Variants in TFB2M observed in about 807,000 individuals in gnomAD.
TFB2M encodes the protein dimethyladenosine transferase 2, mitochondrial.
A neutral mutation model predicts 41.3 loss-of-function variants in TFB2M; 44 were observed. The ratio of observed to expected loss-of-function variants is 1.07; its 90% CI spans 0.84 to 1.37. The LOEUF is 1.37. TFB2M is among the 40% of genes most tolerant of loss of function. TFB2M has a pLI of 0.00. For synonymous variants in TFB2M, 188 were observed against 176.8 expected (o/e 1.06, Z -0.50); for missense variants, 496 against 490.2 (o/e 1.01, Z -0.11).
rs1479556168 is a variant in TFB2M, at chr1:246,556,577, A to C, written c.701T>G (p.Phe234Cys). 6.7e-7 allele frequency: 1 copy of C among 1,495,510 alleles called. No individual in the cohort carries two copies. The highest frequency in any genetic ancestry group is 9.0e-7 in the Non-Finnish European group (1 of 1,115,754). 92.6% of individuals were successfully genotyped at this position (1,495,510 alleles called of 1,614,324 possible). The change falls in exon 4 of 8, where the codon TTC becomes TGC. Residue 234 changes from phenylalanine (F) to cysteine (C), a missense_variant. Coordinates refer to ENST00000366514, the MANE Select transcript of TFB2M (RefSeq NM_022366.3). ...EVNMFIGEKE[F>C]QKLMADPGNP... Reference sequence around the variant, plus strand: ...AGGTATTTGTTAATAACATACCTGGAATTCTTTTTCACCAATAAACATATT... The same window carrying C: ...AGGTATTTGTTAATAACATACCTGGCATTCTTTTTCACCAATAAACATATT...
At chr1:246,548,687 A>G in intron 5 of TFB2M, 80 bp from the exon 6 acceptor site, 1 of 1,304,572 alleles carries the variant, frequency 7.7e-7, no homozygotes, top group Non-Finnish European at 1.1e-6. Flanking sequence ...TCCTTAAAAA[A>G]CACCTTGCCT....
chr1:246,557,587 T>G, intron 2 of TFB2M, 53 bp from the exon 3 acceptor site: 1 of 1,414,270 alleles, frequency 7.1e-7, no homozygotes, highest in Non-Finnish European at 9.5e-7. Context: ...AAGTATACTT[T>G]GCAGCAATTC....
At chr1:246,546,482 G>A (rs1288714909) in intron 6 of TFB2M, among the ~76,000 whole-genome samples, 2 of 152,000 alleles carry the variant, frequency 1.3e-5, no homozygotes, top group East Asian at 1.9e-4. Flanking sequence ...CTGCGTGGTG[G>A]AGCATGCCTG....
intron 2 of TFB2M, among the ~76,000 whole-genome samples, chr1:246,564,002 T>C (rs1659523955): frequency 6.6e-6 from 1 of 152,208 alleles, no homozygotes; most frequent in African/African-American, 2.4e-5. Flanking sequence ...TTAGCACTTA[T>C]TCCAATTAGA....
chr1:246,562,220 T>C lies in TFB2M; in HGVS notation c.402+2126A>G, dbSNP rs576852513. On this transcript the variant is annotated intron_variant, in intron 2 of 7. Coordinates refer to ENST00000366514, the MANE Select transcript of TFB2M (RefSeq NM_022366.3). ...CAATTTTGGATACAGCCATTCTGCATGGTTTCACAAAGTTGGCATAGAGAA... is the reference window on the plus strand; with the variant it reads ...CAATTTTGGATACAGCCATTCTGCACGGTTTCACAAAGTTGGCATAGAGAA... Among the ~76,000 whole-genome samples, 23 of 152,306 alleles carry C rather than the reference T, an allele frequency of 1.5e-4. No homozygotes were observed. The South Asian group carries it at 4.8e-3, about 32-fold the overall frequency.
intron 4 of TFB2M, among the ~76,000 whole-genome samples, chr1:246,556,011 G>C (rs750674841): frequency 1.3e-5 from 2 of 152,012 alleles, no homozygotes; most frequent in African/African-American, 2.4e-5. Context: ...AACTGGTCTC[G>C]AACTCCTGAC....
At chr1:246,544,955 A>G (rs79517391) in intron 6 of TFB2M, among the ~76,000 whole-genome samples, 8,640 of 148,330 alleles carry the variant, frequency 0.058, 325 homozygotes, top group Middle Eastern at 0.1. Context: ...ACAGGCGCCC[A>G]CCACCACGCC....
intron 2 of TFB2M, among the ~76,000 whole-genome samples, chr1:246,563,484 A>AT: frequency 6.6e-6 from 1 of 152,146 alleles, no homozygotes; most frequent in East Asian, 1.9e-4. Context: ...GGCGCCTGTA[A>AT]TCCCAGCTAC....
chr1:246,552,522 C>G (rs1558511759), intron 4 of TFB2M, among the ~76,000 whole-genome samples: 1 of 150,434 alleles, frequency 6.6e-6, no homozygotes, highest in Non-Finnish European at 1.5e-5. Flanking sequence ...CTGAACAACA[C>G]AGCATGACCC....
intron 3 of TFB2M, among the ~76,000 whole-genome samples, chr1:246,556,944 C>T (rs1414325153): frequency 6.6e-6 from 1 of 152,074 alleles, no homozygotes; most frequent in Non-Finnish European, 1.5e-5. Flanking sequence ...AGAGTCAGAG[C>T]ATCTGCTCAT....
At chr1:246,565,788 G>T in intron 1 of TFB2M, 38 bp downstream of exon 1, 2 of 1,578,402 alleles carry the variant, frequency 1.3e-6, no homozygotes, top group Non-Finnish European at 8.7e-7. Flanking sequence ...TTGAATAAAT[G>T]ATGAACATCC....
intron 5 of TFB2M, among the ~76,000 whole-genome samples, chr1:246,550,404 A>C (rs1483714410): frequency 6.6e-6 from 1 of 152,216 alleles, no homozygotes; most frequent in Non-Finnish European, 1.5e-5. Context: ...TCAGAGATCC[A>C]ACCTAAGAAC....
At chr1:246,551,081 GA>G (rs1469101112) in intron 5 of TFB2M, 131 bp downstream of exon 5, 1 of 658,846 alleles carries the variant, frequency 1.5e-6, no homozygotes, top group African/African-American at 1.8e-5. Context: ...AGGCTAAGGT[GA>G]GAGGATCACT....
chr1:246,555,102 C>G (rs1057160783), intron 4 of TFB2M, among the ~76,000 whole-genome samples: 1 of 151,880 alleles, frequency 6.6e-6, no homozygotes, highest in Non-Finnish European at 1.5e-5. Context: ...TTCAACATGA[C>G]TAATTATTAG....
At chr1:246,547,600 C>G (rs1426599179) in intron 6 of TFB2M, among the ~76,000 whole-genome samples, 1 of 150,948 alleles carries the variant, frequency 6.6e-6, no homozygotes, top group East Asian at 1.9e-4. Flanking sequence ...CATAAGTAAG[C>G]AAACAAACAA....
chr1:246,541,529 G>T (rs74658651), intron 7 of TFB2M, among the ~76,000 whole-genome samples: 1 of 151,670 alleles, frequency 6.6e-6, no homozygotes, highest in Non-Finnish European at 1.5e-5. Flanking sequence ...AAAAAAAAAA[G>T]CCTAACTTAT....
At position 246,565,797 on chromosome 1, in the gene TFB2M, C is replaced by T. The variant is rs371091244; in HGVS notation, c.313+29G>A. ...ATACGTTTGAATAAATGATGAACAT[C>T]CAAGAAAATGCAATTCAGCTGGACT... On this transcript the variant is annotated intron_variant, in intron 1 of 7. Coordinates refer to ENST00000366514, the MANE Select transcript of TFB2M (RefSeq NM_022366.3). The T allele has an allele frequency of 5.6e-5, 88 of 1,583,576 alleles. No individual in the cohort carries two copies. The African/African-American group carries it at 1.1e-3, about 20-fold the overall frequency.
chr1:246,564,278 C>T (rs1205983136), intron 2 of TFB2M, 68 bp downstream of exon 2: 1 of 1,369,386 alleles, frequency 7.3e-7, no homozygotes, highest in Non-Finnish European at 1.0e-6. Context: ...GTGCTTAATT[C>T]CATTTCCTTA....
At chr1:246,547,355 T>C (rs1286371662) in intron 6 of TFB2M, among the ~76,000 whole-genome samples, 1 of 152,214 alleles carries the variant, frequency 6.6e-6, no homozygotes, top group Non-Finnish European at 1.5e-5. Context: ...GAAAGTATAT[T>C]ATATACAGGA....
Sources: allele counts gnomAD v4.1 joint callset (sites outside exome capture counted in the v4.1 genomes callset), GRCh38; gene constraint gnomAD v4.1.1; transcripts MANE v1.5; gene names NCBI Gene and HGNC (gene_info 2026-07-23, HGNC 2026-07-21).